Variants in NPAS3 observed in about 807,000 individuals in gnomAD.
The protein encoded by NPAS3 is neuronal PAS domain protein 3, also known as neuronal PAS domain-containing protein 3.
NPAS3 carries 14 observed loss-of-function variants against 73.1 expected under a neutral mutation model. The observed-to-expected ratio is 0.19, with a 90% CI of 0.13 to 0.30. The LOEUF (loss-of-function observed/expected upper bound fraction) is 0.30. Ranked by LOEUF, NPAS3 falls within the 10% of genes least tolerant of loss-of-function variation. NPAS3 has a pLI of 1.00. For missense variants in NPAS3, 1,096 were observed against 1,250.0 expected (o/e 0.88, Z 1.86); for synonymous variants, 620 against 541.5 (o/e 1.14, Z -2.01).
intron 1 of NPAS3, among the ~76,000 whole-genome samples, chr14:32,957,296 T>C (rs2036709614): frequency 6.6e-6 from 1 of 152,176 alleles, no homozygotes; most frequent in South Asian, 2.1e-4. Context: ...ATTAACTTTT[T>C]AAACATTTGA....
At chr14:33,080,020 T>A (rs1358095523) in intron 2 of NPAS3, among the ~76,000 whole-genome samples, 1 of 152,198 alleles carries the variant, frequency 6.6e-6, no homozygotes, top group Non-Finnish European at 1.5e-5. Context: ...TTCTCACCCA[T>A]AAGAAAGTTA....
intron 6 of NPAS3, among the ~76,000 whole-genome samples, chr14:33,713,275 GT>G (rs1419365128): frequency 6.6e-6 from 1 of 152,176 alleles, no homozygotes; most frequent in Non-Finnish European, 1.5e-5. Flanking sequence ...AAAAAAACAG[GT>G]TCCTTCCATC....
chr14:33,617,617 C>T (rs183313987), intron 5 of NPAS3, among the ~76,000 whole-genome samples: 22 of 152,300 alleles, frequency 1.4e-4, no homozygotes, highest in African/African-American at 5.3e-4. Context: ...TGTTCCTTCT[C>T]AAAATTAATA....
chr14:33,185,393 GCTATAGTTTTAAAGT>G (rs143944125), intron 2 of NPAS3, among the ~76,000 whole-genome samples: 1 of 152,196 alleles, frequency 6.6e-6, no homozygotes, highest in East Asian at 1.9e-4. Context: ...ATGAAAAATG[GCTATAGTTTTAAAGT>G]CTAAGTAGTT....
At chr14:33,310,710 C>G (rs1469761052) in intron 3 of NPAS3, among the ~76,000 whole-genome samples, 1 of 151,158 alleles carries the variant, frequency 6.6e-6, no homozygotes, top group African/African-American at 2.4e-5. Flanking sequence ...CTCATCAAGT[C>G]CTTGTTAAAA....
At chr14:33,074,166 G>A (rs1296223200) in intron 2 of NPAS3, among the ~76,000 whole-genome samples, 1 of 152,076 alleles carries the variant, frequency 6.6e-6, no homozygotes, top group African/African-American at 2.4e-5. Flanking sequence ...AACATTGTTG[G>A]GCTGGAATAG....
At position 33,800,871 on chromosome 14, in the gene NPAS3, A is replaced by G; in HGVS notation, c.2564A>G (p.Asp855Gly). The G allele has an allele frequency of 1.2e-6, 2 of 1,606,542 alleles. No individual in the cohort carries two copies. The highest frequency in any genetic ancestry group is 8.5e-7 in the Non-Finnish European group (1 of 1,177,014). Residue 855 changes from aspartate (D) to glycine (G), a missense_variant, in exon 12 of 12, where the codon GAC becomes GGC. By Grantham distance (94) the Asp-to-Gly change is moderately conservative (BLOSUM62 -1). This residue lies in a region of NPAS3 where 698 missense variants were observed against 676.7 expected (regional missense o/e 1.03). Transcript: ENST00000356141. This position sits in a 1 kb window ranked among gnomAD's most constrained non-coding sequence, Gnocchi z 6.5. ...AACGCGCACGCTGTTAACTTCGTGG[A>G]CGTTAACAGCCCCGGCTTTGGCCTC...
chr14:33,050,700 G>C (rs917967098), intron 1 of NPAS3, among the ~76,000 whole-genome samples: 6 of 152,202 alleles, frequency 3.9e-5, no homozygotes, highest in Non-Finnish European at 7.3e-5. Flanking sequence ...GCATCACAGT[G>C]AAAGTCTTAA....
chr14:32,985,885 A>G (rs1444438103), intron 1 of NPAS3, among the ~76,000 whole-genome samples: 1 of 152,202 alleles, frequency 6.6e-6, no homozygotes, highest in Non-Finnish European at 1.5e-5. Flanking sequence ...TACACGATCA[A>G]GGATATAAAT....
intron 5 of NPAS3, among the ~76,000 whole-genome samples, chr14:33,636,903 G>GCACACACA (rs34527893): frequency 0.071 from 10,667 of 149,234 alleles, 397 homozygotes; most frequent in South Asian, 0.11. Context: ...CTCGGAGTGT[G>GCACACACA]CACACACACA....
intron 1 of NPAS3, among the ~76,000 whole-genome samples, chr14:32,989,754 GA>G (rs1345780815): frequency 6.6e-6 from 1 of 152,210 alleles, no homozygotes; most frequent in African/African-American, 2.4e-5. Flanking sequence ...CCTGTGAATT[GA>G]ATTAAGCTGA....
At chr14:33,717,636 G>A (rs1022811064) in intron 6 of NPAS3, among the ~76,000 whole-genome samples, 4 of 151,986 alleles carry the variant, frequency 2.6e-5, no homozygotes, top group South Asian at 2.1e-4. Context: ...AGGAAGGACC[G>A]TGAAATATGT....
At chr14:33,652,685 A>G (rs1426658633) in intron 5 of NPAS3, among the ~76,000 whole-genome samples, 1 of 152,218 alleles carries the variant, frequency 6.6e-6, no homozygotes, top group African/African-American at 2.4e-5. Context: ...TCTCTGTAAC[A>G]TATGCTGAGT....
At chr14:33,211,316 C>T (rs1031188539) in intron 2 of NPAS3, among the ~76,000 whole-genome samples, 2 of 152,176 alleles carry the variant, frequency 1.3e-5, no homozygotes, top group Admixed American at 6.5e-5. Flanking sequence ...CGTGGTGGCT[C>T]ACGTCAGTAA....
At chr14:33,062,727 G>A (rs188753211) in intron 2 of NPAS3, among the ~76,000 whole-genome samples, 35 of 152,322 alleles carry the variant, frequency 2.3e-4, no homozygotes, top group African/African-American at 8.2e-4. Context: ...TTGTAGGCAC[G>A]CTGTTGAACA....
intron 1 of NPAS3, among the ~76,000 whole-genome samples, chr14:32,951,953 A>G (rs1202402960): frequency 6.6e-6 from 1 of 152,080 alleles, no homozygotes; most frequent in Admixed American, 6.6e-5. Flanking sequence ...TACATCTAGT[A>G]AATTAATGAC....
intron 4 of NPAS3, among the ~76,000 whole-genome samples, chr14:33,507,632 T>C (rs7140135): frequency 0.21 from 32,246 of 151,972 alleles, 3,541 homozygotes; most frequent in South Asian, 0.26. Flanking sequence ...AGCCTACTGT[T>C]CTCCCTCATT....
intron 4 of NPAS3, among the ~76,000 whole-genome samples, chr14:33,440,115 CAAAAAAA>C (rs368527118): frequency 8.2e-5 from 9 of 110,174 alleles, no homozygotes; most frequent in Admixed American, 2.8e-4. Context: ...CAGTCTGTCT[CAAAAAAA>C]AAAAAAAAAG....
chr14:33,581,598 T>C (rs979676409), intron 5 of NPAS3, among the ~76,000 whole-genome samples: 2 of 148,430 alleles, frequency 1.3e-5, no homozygotes, highest in African/African-American at 4.8e-5. Context: ...TGAAACAGTG[T>C]CTCACTCTGT....
Sources: allele counts gnomAD v4.1 joint callset (sites outside exome capture counted in the v4.1 genomes callset), GRCh38; gene constraint gnomAD v4.1.1; regional missense constraint gnomAD v4.1.1; non-coding constraint Gnocchi (gnomAD v3.1); transcripts MANE v1.5; gene names NCBI Gene and HGNC (gene_info 2026-07-23, HGNC 2026-07-21).